The following SNTG2 variants were observed in gnomAD, a reference collection of about 807,000 sequenced individuals.
The protein encoded by SNTG2 is syntrophin gamma 2, also known as gamma-2-syntrophin.
Under a neutral mutation model 70.9 loss-of-function variants are expected in SNTG2, and 74 were observed. The ratio of observed to expected loss-of-function variants is 1.04; its 90% confidence interval spans 0.86 to 1.27. The LOEUF is 1.27. Among genes scored for constraint, SNTG2 ranks in the 50% most tolerant of loss-of-function variants. The probability of loss-of-function intolerance (pLI) is 0.00; values close to 1 mark genes in which losing one functional copy is unlikely to be tolerated. For synonymous variants in SNTG2, 278 were observed against 273.8 expected (o/e 1.02, Z -0.15); for missense variants, 717 against 690.7 (o/e 1.04, Z -0.43).
At chr2:1,210,788 T>G (rs1673989437) in intron 9 of SNTG2, 2 of 152,198 alleles carry the variant, frequency 1.3e-5, no homozygotes, top group Non-Finnish European at 2.9e-5. Flanking sequence ...GTTTTGTGTA[T>G]TTAGATACAC....
At chr2:1,315,935 G>A (rs1009188517) in intron 15 of SNTG2, among the ~76,000 whole-genome samples, 7 of 152,172 alleles carry the variant, frequency 4.6e-5, no homozygotes, top group Admixed American at 3.9e-4. Flanking sequence ...TTAAGGCTGT[G>A]TACAGGAAAA....
intron 1 of SNTG2, among the ~76,000 whole-genome samples, chr2:1,003,694 A>G (rs931431824): frequency 1.3e-5 from 2 of 152,182 alleles, no homozygotes; most frequent in Non-Finnish European, 2.9e-5. Context: ...CTAAGCAGCT[A>G]TGAGTTTCGG....
Position 1,354,369 on chromosome 2 carries a change from C to T in SNTG2, c.1489-12974C>T, listed in dbSNP as rs1252806236. ...GCTGGAGCTCAGGGACTGGGTGTTC[C>T]GTGGCAGAGCGGCTGCCTGAGTTCC... On this transcript the variant is annotated intron_variant, in intron 16 of 16. Transcript: ENST00000308624. 2.5e-4 allele frequency among the ~76,000 whole-genome samples: 11 copies of T among 44,398 alleles called. 4 individuals carry two copies. The highest frequency in any genetic ancestry group is 9.6e-4 in the African/African-American group (8 of 8,358). 29.1% of individuals were successfully genotyped at this position (44,398 alleles called of 152,430 possible). A position where few individuals can be genotyped will look rare whatever the true frequency, so the allele number is the denominator to read the frequency against.
chr2:1,249,658 CAGTATTCATTTGTATTCTGCTT>C (rs1677642981), intron 12 of SNTG2, among the ~76,000 whole-genome samples: 1 of 152,184 alleles, frequency 6.6e-6, no homozygotes, highest in African/African-American at 2.4e-5. Flanking sequence ...AACTTTCCTT[CAGTATTCATTTGTATTCTGCTT>C]AGTTGTAAAT....
At chr2:966,551 C>A (rs527880604) in intron 1 of SNTG2, among the ~76,000 whole-genome samples, 39 of 152,118 alleles carry the variant, frequency 2.6e-4, no homozygotes, top group African/African-American at 9.2e-4. Flanking sequence ...AAAAATACTT[C>A]TGACTATAAG....
chr2:1,200,721 T>C (rs781290634), intron 8 of SNTG2, among the ~76,000 whole-genome samples: 6 of 151,844 alleles, frequency 4.0e-5, no homozygotes, highest in African/African-American at 9.7e-5. Context: ...AGTATCTGAA[T>C]AGAAAATTCT....
chr2:973,043 A>G (rs567225946), intron 1 of SNTG2, among the ~76,000 whole-genome samples: 3 of 152,320 alleles, frequency 2.0e-5, no homozygotes, highest in African/African-American at 7.2e-5. Flanking sequence ...TAGTTAGCAT[A>G]TGTTTTGCTT....
intron 4 of SNTG2, among the ~76,000 whole-genome samples, chr2:1,130,467 A>G (rs1173164449): frequency 6.6e-6 from 1 of 152,332 alleles, no homozygotes; most frequent in East Asian, 1.9e-4. Flanking sequence ...GAAAAATTCA[A>G]AAAGAACTGT....
chr2:1,351,606 T>C (rs1318950950), intron 16 of SNTG2, among the ~76,000 whole-genome samples: 1 of 152,104 alleles, frequency 6.6e-6, no homozygotes, highest in East Asian at 1.9e-4. Flanking sequence ...ACACGGGATG[T>C]GAACGGAGTC....
chr2:1,321,259 T>C (rs1681507763), intron 16 of SNTG2, among the ~76,000 whole-genome samples: 1 of 152,228 alleles, frequency 6.6e-6, no homozygotes, highest in African/African-American at 2.4e-5. Context: ...CCCACATATA[T>C]ATCCATGAAG....
At chr2:1,005,610 T>C (rs1659538526) in intron 1 of SNTG2, among the ~76,000 whole-genome samples, 2 of 151,216 alleles carry the variant, frequency 1.3e-5, no homozygotes, top group South Asian at 4.2e-4. Context: ...TTGAGACCAC[T>C]CTGACCAACA....
At position 1,100,549 on chromosome 2, in the gene SNTG2, C is replaced by T. The variant is rs373067850; in HGVS notation, c.325+2139C>T. Among the ~76,000 whole-genome samples, 44 of 152,222 alleles carry T rather than the reference C, an allele frequency of 2.9e-4. No individual in the cohort carries two copies. In the South Asian group the frequency reaches 8.7e-3, roughly 30 times the overall value. ...TCAAGTGTTATAATGGCGGTGTTGA[C>T]GAGCTTGGCAGGGCCCAGTGCTTTG... is the stretch of plus-strand genomic sequence containing the variant. On this transcript the variant is annotated intron_variant, in intron 4 of 16. Coordinates refer to ENST00000308624, the MANE Select transcript of SNTG2 (RefSeq NM_018968.4).
intron 6 of SNTG2, chr2:1,160,040 TAAAG>T (rs1466056580): frequency 6.6e-6 from 1 of 152,282 alleles, no homozygotes; most frequent in African/African-American, 2.4e-5. Context: ...ATGTGTTAGA[TAAAG>T]AAAGTATCAT....
At chr2:990,924 G>A (rs1661470776) in intron 1 of SNTG2, among the ~76,000 whole-genome samples, 1 of 150,976 alleles carries the variant, frequency 6.6e-6, no homozygotes, top group Non-Finnish European at 1.5e-5. Context: ...ATTTTTGCAG[G>A]TTGGAAGGCA....
chr2:1,322,418 C>T (rs1364925637), intron 16 of SNTG2, among the ~76,000 whole-genome samples: 1 of 152,190 alleles, frequency 6.6e-6, no homozygotes, highest in East Asian at 1.9e-4. Flanking sequence ...CCTGGGACTT[C>T]ATTTCCTAGA....
At chr2:1,082,621 G>C (rs1664408300) in intron 1 of SNTG2, among the ~76,000 whole-genome samples, 1 of 152,166 alleles carries the variant, frequency 6.6e-6, no homozygotes, top group African/African-American at 2.4e-5. Flanking sequence ...CCCGCCACGT[G>C]GCATGAGGAC....
chr2:997,140 T>A (rs1661712546), intron 1 of SNTG2, among the ~76,000 whole-genome samples: 1 of 152,178 alleles, frequency 6.6e-6, no homozygotes, highest in African/African-American at 2.4e-5. Context: ...AGTTCACAAA[T>A]AAACAGAATA....
chr2:1,053,717 T>C (rs930112709), intron 1 of SNTG2, among the ~76,000 whole-genome samples: 3 of 152,180 alleles, frequency 2.0e-5, no homozygotes, highest in Non-Finnish European at 4.4e-5. Context: ...ATGTGGTGAC[T>C]CTGGTTCTTG....
chr2:1,221,358 T>TCTGCCTCTCTCTGTGTCTCTCTGCCC (rs1674780939), intron 9 of SNTG2, among the ~76,000 whole-genome samples: 1 of 152,124 alleles, frequency 6.6e-6, no homozygotes, highest in African/African-American at 2.4e-5. Context: ...TGCCTCTGTC[T>TCTGCCTCTCTCTGTGTCTCTCTGCCC]CTGCCTCTCT....
Sources: gnomAD v4.1 joint callset for allele counts (sites outside exome capture counted in the v4.1 genomes callset) on GRCh38, gnomAD v4.1.1 for gene constraint, MANE v1.5 for transcripts, NCBI Gene and HGNC (gene_info 2026-07-23, HGNC 2026-07-21) for gene names.